ARHGAP20: variants seen among roughly 807,000 people sequenced by gnomAD.
ARHGAP20 encodes rho GTPase-activating protein 20.
A neutral mutation model predicts 73.7 loss-of-function variants in ARHGAP20; 34 were observed. The ratio of observed to expected loss-of-function variants is 0.46; its 90% CI spans 0.35 to 0.61. The LOEUF is 0.61. ARHGAP20 is among the 20% of genes least tolerant of loss of function. The pLI is 0.00. For missense variants in ARHGAP20, 1,314 were observed against 1,420.9 expected, an observed-to-expected ratio of 0.92 and a Z score of 1.21; for synonymous variants, 523 against 518.2, an observed-to-expected ratio of 1.01 and a Z score of -0.13.
chr11:110,606,836 A>G (rs1948243949), intron 8 of ARHGAP20, 87 bp from the exon 9 acceptor site: 1 of 1,146,372 alleles, frequency 8.7e-7, no homozygotes, highest in Non-Finnish European at 1.2e-6. Flanking sequence ...ACTGCAATTT[A>G]CTCCTGGGAC....
At chr11:110,644,677 C>A (rs1211306293) in intron 2 of ARHGAP20, among the ~76,000 whole-genome samples, 1 of 152,084 alleles carries the variant, frequency 6.6e-6, no homozygotes, top group Non-Finnish European at 1.5e-5. Context: ...AAATGTAGGA[C>A]TATAAAAATC....
At chr11:110,596,211 T>TA (rs1374815793) in intron 9 of ARHGAP20, among the ~76,000 whole-genome samples, 1 of 151,850 alleles carries the variant, frequency 6.6e-6, no homozygotes, top group Non-Finnish European at 1.5e-5. Context: ...ACCTAGGCAA[T>TA]ACCATTCAGG....
chr11:110,666,338 T>A (rs1037884079), intron 2 of ARHGAP20, among the ~76,000 whole-genome samples: 1 of 152,174 alleles, frequency 6.6e-6, no homozygotes, highest in African/African-American at 2.4e-5. Context: ...ATTATTATTG[T>A]AGAAATTGTC....
chr11:110,589,283 A>C (rs755012062), intron 11 of ARHGAP20: 122 of 450,966 alleles, frequency 2.7e-4, no homozygotes, highest in Non-Finnish European at 3.4e-4. Context: ...AGATGAGGTG[A>C]CCTTAGCTTC....
chr11:110,648,075 T>C (rs1490250633), intron 2 of ARHGAP20, among the ~76,000 whole-genome samples: 1 of 150,074 alleles, frequency 6.7e-6, no homozygotes, highest in African/African-American at 2.4e-5. Context: ...CCAAAAAGCC[T>C]AGGACATTTT....
chr11:110,587,610 C>A (rs765932436), intron 11 of ARHGAP20, among the ~76,000 whole-genome samples: 1 of 152,188 alleles, frequency 6.6e-6, no homozygotes. Flanking sequence ...ATGCCAAGCA[C>A]AGTCCTAGCC....
At chr11:110,646,436 C>G (rs927538797) in intron 2 of ARHGAP20, among the ~76,000 whole-genome samples, 3 of 152,056 alleles carry the variant, frequency 2.0e-5, no homozygotes, top group African/African-American at 7.2e-5. Flanking sequence ...TTTAAGACAT[C>G]TTCTTAAAGC....
chr11:110,620,186 C>G (rs560227264), intron 4 of ARHGAP20, among the ~76,000 whole-genome samples: 2 of 151,318 alleles, frequency 1.3e-5, no homozygotes, highest in Admixed American at 6.6e-5. Flanking sequence ...TGGGTACCAC[C>G]ATGCTCAGCT....
intron 2 of ARHGAP20, among the ~76,000 whole-genome samples, chr11:110,648,221 G>GAA (rs1949257743): frequency 1.3e-5 from 1 of 76,668 alleles, no homozygotes; most frequent in Non-Finnish European, 2.8e-5. Flanking sequence ...ATATATATAT[G>GAA]TATATATATA....
intron 2 of ARHGAP20, among the ~76,000 whole-genome samples, chr11:110,673,378 T>C (rs920131232): frequency 1.3e-5 from 2 of 151,946 alleles, no homozygotes; most frequent in Non-Finnish European, 2.9e-5. Flanking sequence ...TATAATAGAG[T>C]ACTCATAAAA....
intron 1 of ARHGAP20, 21 bp downstream of exon 1, chr11:110,712,106 G>GC (rs769629371): frequency 5.2e-5 from 67 of 1,298,644 alleles, no homozygotes; most frequent in Non-Finnish European, 6.2e-5. Context: ...GAGGGCACGG[G>GC]CCCCCGCTCA....
chr11:110,614,767 A>T, intron 5 of ARHGAP20, 122 bp from the exon 6 acceptor site: 2 of 656,554 alleles, frequency 3.0e-6, no homozygotes, highest in Non-Finnish European at 4.9e-6. Flanking sequence ...ATTTTTAAAA[A>T]AGATAGATGA....
chr11:110,702,271 C>G (rs1950468070), intron 1 of ARHGAP20, among the ~76,000 whole-genome samples: 1 of 152,106 alleles, frequency 6.6e-6, no homozygotes, highest in Middle Eastern at 3.4e-3. Flanking sequence ...ATAAACAGAA[C>G]CAAAGACAAA....
chr11:110,633,739 T>G (rs11213506), intron 2 of ARHGAP20, among the ~76,000 whole-genome samples: 2 of 152,130 alleles, frequency 1.3e-5, no homozygotes, highest in African/African-American at 4.8e-5. Context: ...ATTAACAAAG[T>G]TGAAGAACAA....
intron 2 of ARHGAP20, among the ~76,000 whole-genome samples, chr11:110,644,960 A>G (rs1013323758): frequency 7.2e-5 from 11 of 151,776 alleles, no homozygotes; most frequent in Non-Finnish European, 4.4e-5. Flanking sequence ...AAATAACCCC[A>G]TTAAAAATTT....
intron 9 of ARHGAP20, among the ~76,000 whole-genome samples, chr11:110,595,116 A>G (rs1010799354): frequency 3.3e-5 from 5 of 151,728 alleles, no homozygotes; most frequent in Non-Finnish European, 5.9e-5. Flanking sequence ...AAAACTCTCA[A>G]TAAATTAGGT....
At position 110,586,702 on chromosome 11, in the gene ARHGAP20, T is replaced by A. The variant is rs932295554; in HGVS notation, c.1306-377A>T. ...GTTCAAGGAAATGTACCAAGGTATCTATGAGGTTCATTGTCTGGTAGTCAT... is the reference window on the plus strand; with the variant it reads ...GTTCAAGGAAATGTACCAAGGTATCAATGAGGTTCATTGTCTGGTAGTCAT... On this transcript the variant is annotated intron_variant, in intron 11 of 14. Transcript: ENST00000683387. Among the ~76,000 whole-genome samples, 28 of 152,232 alleles carry A rather than the reference T, an allele frequency of 1.8e-4. 1 individual carries two copies.
intron 4 of ARHGAP20, among the ~76,000 whole-genome samples, chr11:110,623,786 AAG>A (rs1308264361): frequency 3.4e-5 from 5 of 145,080 alleles, no homozygotes; most frequent in Admixed American, 1.5e-4. Flanking sequence ...GGGGATGTTG[AAG>A]AGGGGGTCCT....
intron 6 of ARHGAP20, among the ~76,000 whole-genome samples, chr11:110,613,383 T>C (rs1233491246): frequency 6.6e-6 from 1 of 152,196 alleles, no homozygotes; most frequent in Non-Finnish European, 1.5e-5. Flanking sequence ...ATGAGAGTCT[T>C]GTTATGAAAG....
Sources: allele counts gnomAD v4.1 joint callset (sites outside exome capture counted in the v4.1 genomes callset), GRCh38; gene constraint gnomAD v4.1.1; transcripts MANE v1.5; gene names NCBI Gene and HGNC (gene_info 2026-07-23, HGNC 2026-07-21).